Variants in EVI5L observed in about 807,000 individuals in gnomAD.
EVI5L encodes ecotropic viral integration site 5 like, also known as EVI5-like protein.
In EVI5L, 30 loss-of-function variants were observed where a neutral mutation model predicts 106.1. That is an observed-to-expected ratio of 0.28 (90% CI 0.21 to 0.38). The LOEUF is 0.38. Among genes scored for constraint, EVI5L ranks in the 10% least tolerant of loss-of-function variants. The probability of loss-of-function intolerance (pLI) is 1.00; values close to 1 mark genes in which losing one functional copy is unlikely to be tolerated. For missense variants in EVI5L, 809 were observed against 1,098.0 expected, an observed-to-expected ratio of 0.74 and a Z score of 3.72; for synonymous variants, 489 against 483.3, an observed-to-expected ratio of 1.01 and a Z score of -0.15.
Position 7,857,017 on chromosome 19 carries a change from G to A in EVI5L, c.1201-75G>A, listed in dbSNP as rs1979560733. 6.8e-7 allele frequency: 1 copy of A among 1,480,980 alleles called. No individual in the cohort carries two copies. Among genetic ancestry groups the A allele is most frequent in the African/African-American group, 1.4e-5 (1 of 71,842 alleles). The allele number at this position is 1,480,980 out of a possible 1,614,324, so 91.7% of individuals were successfully genotyped here. A position where few individuals can be genotyped will look rare whatever the true frequency, so the allele number is the denominator to read the frequency against. Reference sequence around the variant, plus strand: ...CGTTAGTGACAAGTGGTTCTTGTCTGTCTCCCCTCTCCTGTCCCCGCGCCT... The same window carrying A: ...CGTTAGTGACAAGTGGTTCTTGTCTATCTCCCCTCTCCTGTCCCCGCGCCT... On this transcript the variant is annotated intron_variant, in intron 11 of 19. Transcript: ENST00000538904. This position sits in a 1 kb window ranked among gnomAD's most constrained non-coding sequence, Gnocchi z 4.5.
intron 5 of EVI5L, 79 bp from the exon 6 acceptor site, chr19:7,849,917 AC>A: frequency 8.4e-7 from 1 of 1,190,896 alleles, no homozygotes; most frequent in Non-Finnish European, 1.2e-6. Flanking sequence ...GGGCCCCTGT[AC>A]CCCAGGGCCC....
At chr19:7,851,033 TC>T (rs1051872921) in intron 6 of EVI5L, among the ~76,000 whole-genome samples, 4 of 149,420 alleles carry the variant, frequency 2.7e-5, no homozygotes, top group Admixed American at 6.6e-5. Context: ...GGGGGGGGGC[TC>T]CCCCCAGGGC....
chr19:7,839,174 G>A (rs1423160653), intron 1 of EVI5L, among the ~76,000 whole-genome samples: 34 of 151,628 alleles, frequency 2.2e-4, no homozygotes, highest in African/African-American at 7.7e-4. Flanking sequence ...GTGGCGGTGG[G>A]TGCCTGTAGT....
In EVI5L at chr19:7,860,709, G is replaced by T; in HGVS notation, c.1503+20G>T. On this transcript the variant is annotated intron_variant, in intron 14 of 19. Transcript: ENST00000538904. The stretch of plus-strand genomic sequence containing the variant: ...GAAAAGGTGCAATGGGGAGGCAGAC[G>T]GGCAGGTGTCGGGGGGACCCTGGGG... 1.3e-6 allele frequency: 2 copies of T among 1,564,340 alleles called. No homozygotes were observed. Among genetic ancestry groups the T allele is most frequent in the South Asian group, 2.3e-5 (2 of 85,112 alleles).
chr19:7,834,005 C>T (rs1156523600), intron 1 of EVI5L, among the ~76,000 whole-genome samples: 2 of 152,200 alleles, frequency 1.3e-5, no homozygotes, highest in African/African-American at 2.4e-5. Flanking sequence ...CTCACCTGCA[C>T]TTTCATTCAT....
rs1162588015 is a variant in EVI5L, at chr19:7,851,549, C to T, written c.869C>T (p.Thr290Ile). The stretch of plus-strand genomic sequence containing the variant: ...ACCACCTTCCCACTCCCCGTCGCCA[C>T]CCGGGTCTTTGACATCTTCATGTAT... ...FLTTFPLPVATRVFDIFMYEG... is the reference protein window; with the variant it reads ...FLTTFPLPVAIRVFDIFMYEG... The change falls in exon 7 of 20, where the codon ACC (threonine) becomes ATC (isoleucine). Residue 290 changes from threonine (T) to isoleucine (I), a missense_variant. Physicochemically the swap from Thr to Ile is moderately conservative, Grantham distance 89. Transcript: ENST00000538904. 6.2e-7 allele frequency: 1 copy of T among 1,612,942 alleles called. No homozygotes were observed. The highest frequency in any genetic ancestry group is 1.7e-5 in the Admixed American group (1 of 59,818).
intron 17 of EVI5L, 145 bp downstream of exon 17, chr19:7,862,679 C>G: frequency 1.4e-6 from 1 of 700,752 alleles, no homozygotes; most frequent in Non-Finnish European, 2.0e-6. Context: ...GCCCGCGGCC[C>G]CGCCTCCTGA....
intron 17 of EVI5L, 149 bp from the exon 18 acceptor site, chr19:7,862,823 C>T: frequency 2.0e-6 from 1 of 494,156 alleles, no homozygotes. Flanking sequence ...CCTCCCTTGC[C>T]CGCGGTCCCG....
At chr19:7,853,424 C>A in intron 10 of EVI5L, 91 bp downstream of exon 10, 2 of 1,511,612 alleles carry the variant, frequency 1.3e-6, no homozygotes, top group South Asian at 1.2e-5. Context: ...AGGGGGCGGG[C>A]CTTCCCAGCG....
intron 8 of EVI5L, 187 bp from the exon 9 acceptor site, chr19:7,852,899 C>G: frequency 1.7e-6 from 1 of 603,468 alleles, no homozygotes; most frequent in East Asian, 2.8e-5. Flanking sequence ...TGCAGGCAGT[C>G]CCCCATTCCC....
intron 6 of EVI5L, 131 bp from the exon 7 acceptor site, chr19:7,851,303 C>G (rs1979237639): frequency 8.8e-7 from 1 of 1,131,082 alleles, no homozygotes; most frequent in Non-Finnish European, 1.2e-6. Context: ...GAGGGAGCAC[C>G]AGGAAGGGAG....
rs1248732592 is a variant in EVI5L at position 7,850,231 on chromosome 19, C to A, written c.753+109C>A. 5 of 1,431,756 alleles carry A rather than the reference C, an allele frequency of 3.5e-6. No homozygotes were observed. The highest frequency in any genetic ancestry group is 4.6e-6 in the Non-Finnish European group (5 of 1,078,976). The allele number at this position is 1,431,756 out of a possible 1,614,324, so 88.7% of individuals were successfully genotyped here. ...GGCAGGGCTGGCACCCTAGACCATA[C>A]CCGGGCACCTCTTGGACTGAAAATT... On this transcript the variant is annotated intron_variant, in intron 6 of 19. Coordinates refer to ENST00000538904, the MANE Select transcript of EVI5L (RefSeq NM_001159944.3). The surrounding 1 kb of genome is among the most constrained non-coding windows in gnomAD (Gnocchi z 5.4).
chr19:7,860,473 G>C (rs1226300074), intron 13 of EVI5L, 88 bp from the exon 14 acceptor site: 5 of 1,202,412 alleles, frequency 4.2e-6, no homozygotes, highest in Non-Finnish European at 5.7e-6. Context: ...GAAGGGCTCT[G>C]GGGAGGCGGG....
chr19:7,856,547 G>A lies in EVI5L; in HGVS notation c.1200+479G>A, dbSNP rs1294982881. Among the ~76,000 whole-genome samples, 1 of 151,968 alleles carries A rather than the reference G, an allele frequency of 6.6e-6. No homozygotes were observed. The highest frequency in any genetic ancestry group is 1.5e-5 in the Non-Finnish European group (1 of 67,974). On this transcript the variant is annotated intron_variant, in intron 11 of 19. Transcript: ENST00000538904. The surrounding 1 kb of genome is among the most constrained non-coding windows in gnomAD (Gnocchi z 6.6). ...TGCTCCCCAACATGCTAAAGATGGG[G>A]GTGGAATTGGGGGCTCACTGAGCCC...
intron 1 of EVI5L, among the ~76,000 whole-genome samples, chr19:7,840,670 CTA>C (rs1491076058): frequency 2.1e-5 from 3 of 146,312 alleles, no homozygotes; most frequent in Non-Finnish European, 4.7e-5. Flanking sequence ...CTTTCTGTCT[CTA>C]TGGATTGCCT....
In EVI5L at chr19:7,862,244, G is replaced by A. The variant is rs774967153; in HGVS notation, c.1767G>A (p.Glu589=). 8.3e-6 allele frequency: 13 copies of A among 1,575,230 alleles called. No individual in the cohort carries two copies. In the East Asian group the frequency reaches 1.9e-4, roughly 22 times the overall value. The change falls in exon 16 of 20, where the codon GAG becomes GAA. Residue 589 remains glutamate, a synonymous_variant. Transcript: ENST00000538904. ...CCCAGGCCCTGGCCGAGGGCCGCGA[G>A]CTGCGGCAGCGCGTGGTGGAACTTG... is the stretch of plus-strand genomic sequence containing the variant. ...REAQALAEGR[E]LRQRVVELET...
At position 7,863,148 on chromosome 19, in the gene EVI5L, A is replaced by C. The variant is rs745775340; in HGVS notation, c.2044-37A>C. On this transcript the variant is annotated intron_variant, in intron 18 of 19. Coordinates refer to ENST00000538904, the MANE Select transcript of EVI5L (RefSeq NM_001159944.3). The surrounding 1 kb of genome is among the most constrained non-coding windows in gnomAD (Gnocchi z 7.7). Reference sequence around the variant, plus strand: ...AGCGGGGCCGGACCCCAGGCCCAGCATGGCACTGGCCCCGCGTGACCTGGC... The same window carrying C: ...AGCGGGGCCGGACCCCAGGCCCAGCCTGGCACTGGCCCCGCGTGACCTGGC... 4.5e-6 allele frequency: 7 copies of C among 1,544,438 alleles called. No individual in the cohort carries two copies. The African/African-American group carries it at 5.5e-5, about 12-fold the overall frequency.
At chr19:7,836,414 C>A (rs116891492) in intron 1 of EVI5L, among the ~76,000 whole-genome samples, 2 of 152,212 alleles carry the variant, frequency 1.3e-5, no homozygotes, top group African/African-American at 4.8e-5. Flanking sequence ...AACCCCTGCA[C>A]TTGGGGTTTC....
rs371567316 is a variant in EVI5L at position 7,847,744 on chromosome 19, C to G, written c.150C>G (p.Ala50=). 67 of 1,612,228 alleles carry G rather than the reference C, an allele frequency of 4.2e-5. No homozygotes were observed. In the Middle Eastern group the frequency reaches 5.2e-4, roughly 12 times the overall value. Residue 50 remains alanine, a synonymous_variant, in exon 3 of 20, where the codon GCC becomes GCG. Transcript: ENST00000538904. ...KLEEQNRLLE[A]DSKSMRSMNG... ...CCTTCCTGCCCAGGCTCCTGGAGGCCGACTCCAAGTCCATGCGCTCCATGA... is the reference window on the plus strand; with the variant it reads ...CCTTCCTGCCCAGGCTCCTGGAGGCGGACTCCAAGTCCATGCGCTCCATGA...
Sources: allele counts gnomAD v4.1 joint callset (sites outside exome capture counted in the v4.1 genomes callset), GRCh38; gene constraint gnomAD v4.1.1; non-coding constraint Gnocchi (gnomAD v3.1); transcripts MANE v1.5; gene names NCBI Gene and HGNC (gene_info 2026-07-23, HGNC 2026-07-21).